PCDH9: variants seen among roughly 807,000 people sequenced by gnomAD.
PCDH9 encodes the protein protocadherin 9.
In PCDH9, 24 loss-of-function variants were observed where a neutral mutation model predicts 70.6. The ratio of observed to expected loss-of-function variants is 0.34; its 90% confidence interval spans 0.25 to 0.48. The LOEUF (loss-of-function observed/expected upper bound fraction) is 0.48, where lower values mean the gene tolerates loss of function less well. Among genes scored for constraint, PCDH9 ranks in the 20% least tolerant of loss-of-function variants. PCDH9 has a pLI of 0.99. For synonymous variants in PCDH9, 562 were observed against 558.5 expected (o/e 1.01, Z -0.09); for missense variants, 1,281 against 1,503.6 (o/e 0.85, Z 2.45).
intron 3 of PCDH9, among the ~76,000 whole-genome samples, chr13:66,854,214 T>A (rs1225046370): frequency 6.6e-6 from 1 of 152,196 alleles, no homozygotes; most frequent in Non-Finnish European, 1.5e-5. Flanking sequence ...TGTAGTTGTA[T>A]GACCTTAGTT....
chr13:66,910,018 T>G (rs1339872974), intron 2 of PCDH9, among the ~76,000 whole-genome samples: 1 of 152,102 alleles, frequency 6.6e-6, no homozygotes, highest in Non-Finnish European at 1.5e-5. Flanking sequence ...CATCAATTCC[T>G]CTATGTAAGT....
At chr13:67,188,456 G>C (rs993290635) in intron 2 of PCDH9, among the ~76,000 whole-genome samples, 2 of 151,688 alleles carry the variant, frequency 1.3e-5, no homozygotes, top group South Asian at 4.1e-4. Flanking sequence ...TTTTTAATTG[G>C]CATGGGAGGT....
At chr13:66,804,513 T>C (rs989449023) in intron 3 of PCDH9, among the ~76,000 whole-genome samples, 2 of 152,256 alleles carry the variant, frequency 1.3e-5, no homozygotes, top group Admixed American at 6.5e-5. Context: ...TCACAAGCAC[T>C]GTAAGAGATT....
chr13:66,500,775 C>A (rs956623009), intron 4 of PCDH9, among the ~76,000 whole-genome samples: 4 of 151,998 alleles, frequency 2.6e-5, no homozygotes, highest in African/African-American at 9.7e-5. Flanking sequence ...TATTTTATTT[C>A]TATCATCTAC....
intron 4 of PCDH9, among the ~76,000 whole-genome samples, chr13:66,512,028 G>C (rs1959499491): frequency 6.6e-6 from 1 of 152,038 alleles, no homozygotes; most frequent in Non-Finnish European, 1.5e-5. Flanking sequence ...AAAAAATTTA[G>C]AGATAGGTTT....
At chr13:67,154,575 CA>C (rs753995213) in intron 2 of PCDH9, among the ~76,000 whole-genome samples, 567 of 37,206 alleles carry the variant, frequency 0.015, 15 homozygotes, top group African/African-American at 0.037. Context: ...GACCCTGTCT[CA>C]AAAAAAAAAA....
intron 2 of PCDH9, among the ~76,000 whole-genome samples, chr13:67,040,533 C>A (rs978707305): frequency 1.3e-5 from 2 of 152,128 alleles, no homozygotes; most frequent in African/African-American, 4.8e-5. Context: ...CTAAAACCTG[C>A]AAGAGGGCCC....
chr13:66,412,544 T>C (rs1957388612), intron 4 of PCDH9, among the ~76,000 whole-genome samples: 1 of 152,248 alleles, frequency 6.6e-6, no homozygotes, highest in South Asian at 2.1e-4. Flanking sequence ...CAGCCACTTT[T>C]TATTTATGTA....
At position 66,561,283 on chromosome 13, in the gene PCDH9, C is replaced by T. The variant is rs1246159612; in HGVS notation, c.3340+69927G>A. 4.6e-5 allele frequency among the ~76,000 whole-genome samples: 7 copies of T among 152,300 alleles called. No homozygotes were observed. The East Asian group carries it at 7.8e-4, about 17-fold the overall frequency. The stretch of plus-strand genomic sequence containing the variant: ...AGGGCAGGGCTCGGGACCTGCAGCC[C>T]GCCATGCCTGGGCTTCCCCCCACCC... On this transcript the variant is annotated intron_variant, in intron 4 of 4. Transcript: ENST00000377865.
chr13:66,922,658 G>C (rs2082655638), intron 2 of PCDH9, among the ~76,000 whole-genome samples: 1 of 151,404 alleles, frequency 6.6e-6, no homozygotes, highest in Non-Finnish European at 1.5e-5. Context: ...GAATGTAATT[G>C]TCTGTCAATG....
intron 3 of PCDH9, among the ~76,000 whole-genome samples, chr13:66,699,247 C>T (rs2078605591): frequency 6.6e-6 from 1 of 151,922 alleles, no homozygotes; most frequent in African/African-American, 2.4e-5. Flanking sequence ...TTTTAATTAG[C>T]ACAACAGGAA....
In PCDH9 at chr13:66,525,161, A is replaced by G. The variant is rs566486077; in HGVS notation, c.3340+106049T>C. 1.1e-4 allele frequency among the ~76,000 whole-genome samples: 17 copies of G among 152,132 alleles called. 2 individuals carry two copies. In the South Asian group the frequency reaches 3.5e-3, roughly 32 times the overall value. ...TGTCGCTCTCATTTCCCTTCTCTACAACGGCAATTTTACAACTTCTCCACT... is the reference window on the plus strand; with the variant it reads ...TGTCGCTCTCATTTCCCTTCTCTACGACGGCAATTTTACAACTTCTCCACT... On this transcript the variant is annotated intron_variant, in intron 4 of 4. Coordinates refer to ENST00000377865, the MANE Select transcript of PCDH9 (RefSeq NM_203487.3).
At chr13:66,692,634 A>T (rs999844990) in intron 3 of PCDH9, among the ~76,000 whole-genome samples, 1 of 152,070 alleles carries the variant, frequency 6.6e-6, no homozygotes, top group Non-Finnish European at 1.5e-5. Flanking sequence ...TCTAGTTAGG[A>T]TACTATATAA....
intron 2 of PCDH9, among the ~76,000 whole-genome samples, chr13:67,033,111 C>A (rs184953146): frequency 9.9e-5 from 15 of 152,156 alleles, no homozygotes; most frequent in African/African-American, 3.1e-4. Flanking sequence ...GAGGCACAGA[C>A]AAGGAGGCCA....
At chr13:66,843,355 TACACAC>T (rs10580677) in intron 3 of PCDH9, among the ~76,000 whole-genome samples, 3 of 151,242 alleles carry the variant, frequency 2.0e-5, no homozygotes, top group Admixed American at 6.6e-5. Context: ...TGCACATACA[TACACAC>T]ACACACACAC....
chr13:66,663,093 G>C (rs1332761352), intron 3 of PCDH9, among the ~76,000 whole-genome samples: 3 of 152,138 alleles, frequency 2.0e-5, no homozygotes, highest in African/African-American at 7.2e-5. Context: ...CAGCTTAAAT[G>C]ATGTGAAGGG....
chr13:66,777,040 C>T (rs1395917166), intron 3 of PCDH9, among the ~76,000 whole-genome samples: 537 of 150,836 alleles, frequency 3.6e-3, no homozygotes, highest in Non-Finnish European at 5.8e-3. Flanking sequence ...AAGGATTCCC[C>T]ATTTAATAAA....
intron 3 of PCDH9, among the ~76,000 whole-genome samples, chr13:66,707,567 C>T (rs1252498967): frequency 1.3e-5 from 2 of 152,166 alleles, no homozygotes; most frequent in Non-Finnish European, 2.9e-5. Context: ...GGCGCTTCTG[C>T]TCAACTGGGA....
intron 4 of PCDH9, among the ~76,000 whole-genome samples, chr13:66,591,849 T>G (rs1253909217): frequency 1.3e-5 from 2 of 151,528 alleles, no homozygotes; most frequent in African/African-American, 4.8e-5. Flanking sequence ...ATAAAATAAT[T>G]TAGAATATTA....
Sources: gnomAD v4.1 joint callset for allele counts (sites outside exome capture counted in the v4.1 genomes callset) on GRCh38, gnomAD v4.1.1 for gene constraint, MANE v1.5 for transcripts, NCBI Gene and HGNC (gene_info 2026-07-23, HGNC 2026-07-21) for gene names.